The following ULK4 variants were observed in gnomAD, a reference collection of about 807,000 sequenced individuals.
The protein encoded by ULK4 is unc-51 like kinase 4, also known as inactive serine/threonine-protein kinase ULK4.
In ULK4, 133 loss-of-function variants were observed where a neutral mutation model predicts 160.6. The ratio of observed to expected loss-of-function variants is 0.83; its 90% CI spans 0.72 to 0.96. ULK4 has a LOEUF of 0.96. Ranked by LOEUF, ULK4 falls within the 40% of genes least tolerant of loss-of-function variation. The pLI is 0.00. For synonymous variants in ULK4, 534 were observed against 539.8 expected (o/e 0.99, Z 0.15); for missense variants, 1,580 against 1,499.5 (o/e 1.05, Z -0.89).
chr3:41,360,892 C>T (rs1334686420), intron 35 of ULK4, among the ~76,000 whole-genome samples: 3 of 151,648 alleles, frequency 2.0e-5, no homozygotes, highest in Admixed American at 2.0e-4. Context: ...ATGTAACACA[C>T]CTGTACATCC....
chr3:41,758,959 A>C (rs1575659994), intron 21 of ULK4, among the ~76,000 whole-genome samples: 2 of 152,270 alleles, frequency 1.3e-5, no homozygotes, highest in South Asian at 4.1e-4. Flanking sequence ...CTAATAAAAA[A>C]CCATTTTACA....
intron 17 of ULK4, among the ~76,000 whole-genome samples, chr3:41,844,838 G>A (rs572070527): frequency 6.6e-6 from 1 of 151,252 alleles, no homozygotes; most frequent in African/African-American, 2.4e-5. Context: ...AATTACCACA[G>A]GACCCAGCAA....
intron 5 of ULK4, among the ~76,000 whole-genome samples, chr3:41,920,356 T>C (rs1407007468): frequency 6.6e-6 from 1 of 152,210 alleles, no homozygotes; most frequent in East Asian, 1.9e-4. Context: ...TTAGTTGGCT[T>C]TGACCAGGGA....
intron 32 of ULK4, among the ~76,000 whole-genome samples, chr3:41,533,015 T>C (rs1463969945): frequency 6.6e-6 from 1 of 152,220 alleles, no homozygotes; most frequent in Non-Finnish European, 1.5e-5. Context: ...GCCTTGCAGC[T>C]TCCACTCAGG....
chr3:41,375,464 G>C (rs774348456), intron 35 of ULK4, among the ~76,000 whole-genome samples: 1 of 150,008 alleles, frequency 6.7e-6, no homozygotes, highest in Admixed American at 6.6e-5. Context: ...AGAGGCCGCA[G>C]AAATAACACC....
intron 2 of ULK4, among the ~76,000 whole-genome samples, chr3:41,946,498 C>T (rs540414977): frequency 6.6e-5 from 10 of 152,322 alleles, no homozygotes; most frequent in South Asian, 6.2e-4. Flanking sequence ...GAACTACACA[C>T]TACACTACTC....
chr3:41,382,874 G>T (rs988349274), intron 35 of ULK4, among the ~76,000 whole-genome samples: 8 of 152,070 alleles, frequency 5.3e-5, no homozygotes, highest in Admixed American at 3.9e-4. Flanking sequence ...GCTAAGGAAA[G>T]AGATATATTC....
At chr3:41,509,121 A>G (rs2085489274) in intron 32 of ULK4, among the ~76,000 whole-genome samples, 1 of 152,164 alleles carries the variant, frequency 6.6e-6, no homozygotes, top group African/African-American at 2.4e-5. Flanking sequence ...GATAGCATAA[A>G]TAAAAAACAA....
At chr3:41,556,195 C>T (rs1161556595) in intron 32 of ULK4, among the ~76,000 whole-genome samples, 1 of 151,986 alleles carries the variant, frequency 6.6e-6, no homozygotes, top group Non-Finnish European at 1.5e-5. Flanking sequence ...TTAAAAAGCA[C>T]AAATACATTA....
chr3:41,783,609 T>G lies in ULK4; in HGVS notation c.2193+6052A>C, dbSNP rs1369366113. Among the ~76,000 whole-genome samples, 4 of 151,806 alleles carry G rather than the reference T, an allele frequency of 2.6e-5. No homozygotes were observed. In the South Asian group the frequency reaches 8.3e-4, roughly 32 times the overall value. On this transcript the variant is annotated intron_variant, in intron 21 of 36. Coordinates refer to ENST00000301831, the MANE Select transcript of ULK4 (RefSeq NM_017886.4). ...GGCAGGCCTTGAACTCTTAGGTTCA[T>G]GCAATCCTCTAGCCACAGCCTCCCA...
At chr3:41,825,293 C>T (rs60475105) in intron 18 of ULK4, among the ~76,000 whole-genome samples, 6 of 152,304 alleles carry the variant, frequency 3.9e-5, no homozygotes, top group Admixed American at 6.5e-5. Context: ...TCACCAGCAA[C>T]GGAACAAAGC....
intron 33 of ULK4, among the ~76,000 whole-genome samples, chr3:41,461,589 T>C (rs556894545): frequency 2.1e-4 from 32 of 152,228 alleles, no homozygotes; most frequent in African/African-American, 7.5e-4. Flanking sequence ...TTCAAGACTA[T>C]GAAAACAATA....
chr3:41,656,483 T>C (rs2034940757), intron 30 of ULK4, among the ~76,000 whole-genome samples: 1 of 152,154 alleles, frequency 6.6e-6, no homozygotes, highest in Non-Finnish European at 1.5e-5. Context: ...TATAAATCTA[T>C]CTCCTCCATT....
chr3:41,580,391 A>ATTT, intron 31 of ULK4, among the ~76,000 whole-genome samples: 1 of 150,746 alleles, frequency 6.6e-6, no homozygotes, highest in African/African-American at 2.4e-5. Context: ...TTTTTTTTTA[A>ATTT]AAAAACCTGT....
chr3:41,423,455 G>A (rs150270274), intron 34 of ULK4, among the ~76,000 whole-genome samples: 27 of 152,064 alleles, frequency 1.8e-4, no homozygotes, highest in African/African-American at 4.8e-4. Flanking sequence ...AAGATAGGAC[G>A]GGCTCAGGCT....
rs1379097502 is a variant in ULK4, at chr3:41,882,153, T to C, written c.1656+1721A>G. 4 of 701,042 alleles carry C rather than the reference T, an allele frequency of 5.7e-6. No homozygotes were observed. In the African/African-American group the frequency reaches 7.0e-5, roughly 12 times the overall value. The allele number at this position is 701,042 out of a possible 1,614,324, so 43.4% of individuals were successfully genotyped here. A position where few individuals can be genotyped will look rare whatever the true frequency, so the allele number is the denominator to read the frequency against. On this transcript the variant is annotated intron_variant, in intron 17 of 36. Coordinates refer to ENST00000301831, the MANE Select transcript of ULK4 (RefSeq NM_017886.4). ...GCACTGCCACACGGAGTCCCAAGAATGCTGATACAGTTTTATTTATTTTGA... is the reference window on the plus strand; with the variant it reads ...GCACTGCCACACGGAGTCCCAAGAACGCTGATACAGTTTTATTTATTTTGA...
chr3:41,368,198 C>T (rs560326750), intron 35 of ULK4, among the ~76,000 whole-genome samples: 32 of 151,930 alleles, frequency 2.1e-4, no homozygotes, highest in Non-Finnish European at 3.5e-4. Flanking sequence ...CAGGCGCCCA[C>T]CACGACGCCC....
chr3:41,864,004 C>G (rs2042563158), intron 17 of ULK4, among the ~76,000 whole-genome samples: 1 of 152,038 alleles, frequency 6.6e-6, no homozygotes, highest in South Asian at 2.1e-4. Context: ...GGGCCTAATT[C>G]AGCACTAAGA....
At chr3:41,419,258 G>T (rs1364939783) in intron 34 of ULK4, among the ~76,000 whole-genome samples, 1 of 152,142 alleles carries the variant, frequency 6.6e-6, no homozygotes, top group Non-Finnish European at 1.5e-5. Context: ...TGTTTCTGAG[G>T]ACCAGCAGGG....
Sources: allele counts gnomAD v4.1 joint callset (sites outside exome capture counted in the v4.1 genomes callset), GRCh38; gene constraint gnomAD v4.1.1; transcripts MANE v1.5; gene names NCBI Gene and HGNC (gene_info 2026-07-23, HGNC 2026-07-21).